Variants in GLS observed in about 807,000 individuals in gnomAD.
The protein encoded by GLS is glutaminase kidney isoform, mitochondrial.
Under a neutral mutation model 86.7 loss-of-function variants are expected in GLS, and 36 were observed. The observed-to-expected ratio is 0.42, with a 90% CI of 0.32 to 0.55. GLS has a LOEUF of 0.55. Ranked by LOEUF, GLS falls within the 20% of genes least tolerant of loss-of-function variation. GLS has a pLI of 0.17. For synonymous variants in GLS, 317 were observed against 305.9 expected (o/e 1.04, Z -0.38); for missense variants, 528 against 833.4 (o/e 0.63, Z 4.51).
chr2:190,924,007 T>A lies in GLS; in HGVS notation c.1197+24T>A. 9.0e-7 allele frequency: 1 copy of A among 1,109,594 alleles called. No homozygotes were observed. Among genetic ancestry groups the A allele is most frequent in the Non-Finnish European group, 1.4e-6 (1 of 739,854 alleles). 68.7% of individuals were successfully genotyped at this position (1,109,594 alleles called of 1,614,324 possible). Reference sequence around the variant, plus strand: ...AGGTTTTTAAATTTTTGTTTCTATTTCAAATTATTCTTTCATTTAATAAAA... The same window carrying A: ...AGGTTTTTAAATTTTTGTTTCTATTACAAATTATTCTTTCATTTAATAAAA... On this transcript the variant is annotated intron_variant, in intron 10 of 17. Coordinates refer to ENST00000320717, the MANE Select transcript of GLS (RefSeq NM_014905.5). The surrounding 1 kb of genome is among the most constrained non-coding windows in gnomAD (Gnocchi z 5.2).
At position 190,897,980 on chromosome 2, in the gene GLS, T is replaced by C. The variant is rs968682420; in HGVS notation, c.605+2255T>C. Among the ~76,000 whole-genome samples the C allele has an allele frequency of 1.3e-5, 2 of 152,224 alleles. No individual in the cohort carries two copies. The highest frequency in any genetic ancestry group is 2.9e-5 in the Non-Finnish European group (2 of 68,032). On this transcript the variant is annotated intron_variant, in intron 3 of 17. Transcript: ENST00000320717. The surrounding 1 kb of genome is among the most constrained non-coding windows in gnomAD (Gnocchi z 4.3). ...CTGTTCGAAAGTTGGAGACTGCCTG[T>C]ACCCAGGTTGATAGTCAATTGTTTT...
In GLS at chr2:190,953,305, C is replaced by T. The variant is rs767098611; in HGVS notation, c.1651-260C>T. 3.9e-5 allele frequency among the ~76,000 whole-genome samples: 6 copies of T among 152,204 alleles called. No individual in the cohort carries two copies. The highest frequency in any genetic ancestry group is 1.4e-4 in the African/African-American group (6 of 41,438). On this transcript the variant is annotated intron_variant, in intron 14 of 17. Coordinates refer to ENST00000320717, the MANE Select transcript of GLS (RefSeq NM_014905.5). This position sits in a 1 kb window ranked among gnomAD's most constrained non-coding sequence, Gnocchi z 4.0. ...TATGAGTTTCACAAAATTCCATTCTCTTCTGCCAAGTGATATTATTCCATT... is the reference window on the plus strand; with the variant it reads ...TATGAGTTTCACAAAATTCCATTCTTTTCTGCCAAGTGATATTATTCCATT...
intron 5 of GLS, among the ~76,000 whole-genome samples, chr2:190,903,633 T>C (rs1689028512): frequency 6.6e-6 from 1 of 152,174 alleles, no homozygotes; most frequent in South Asian, 2.1e-4. Flanking sequence ...TCTTAAACAT[T>C]CTCTATGTCT....
intron 7 of GLS, among the ~76,000 whole-genome samples, chr2:190,916,359 TAATGATAAAGATA>T (rs1689534248): frequency 6.6e-6 from 1 of 152,186 alleles, no homozygotes. Flanking sequence ...CACTACTCCA[TAATGATAAAGATA>T]ATGGATTTTT....
intron 6 of GLS, among the ~76,000 whole-genome samples, chr2:190,908,950 A>T (rs1281439052): frequency 6.6e-6 from 1 of 152,236 alleles, no homozygotes; most frequent in Non-Finnish European, 1.5e-5. Context: ...GAGTACATAG[A>T]TTAGCAGTCT....
intron 1 of GLS, among the ~76,000 whole-genome samples, chr2:190,888,879 C>CA (rs1176754749): frequency 6.6e-6 from 1 of 152,086 alleles, no homozygotes. Context: ...TTAGCTTTTT[C>CA]AAAAAATTGT....
intron 12 of GLS, among the ~76,000 whole-genome samples, chr2:190,929,129 A>G (rs1574603817): frequency 6.6e-6 from 1 of 151,520 alleles, no homozygotes; most frequent in Non-Finnish European, 1.5e-5. Context: ...GAATGTTAGT[A>G]AGCAATTAAT....
chr2:190,915,280 G>A (rs1558978890), intron 7 of GLS, among the ~76,000 whole-genome samples: 1 of 151,622 alleles, frequency 6.6e-6, no homozygotes, highest in East Asian at 1.9e-4. Context: ...GATTACAGAC[G>A]TGAGCCACCG....
intron 17 of GLS, among the ~76,000 whole-genome samples, chr2:190,961,206 C>T (rs189449774): frequency 4.6e-5 from 7 of 152,198 alleles, no homozygotes; most frequent in Admixed American, 2.6e-4. Flanking sequence ...GCACAGAATT[C>T]GTGAATTCTT....
chr2:190,927,788 C>G (rs989129271), intron 12 of GLS: 3 of 177,352 alleles, frequency 1.7e-5, no homozygotes, highest in African/African-American at 7.1e-5. Flanking sequence ...GATTATGTAT[C>G]TTAAGAATTC....
In GLS at chr2:190,947,201, A is replaced by G. The variant is rs1026060641; in HGVS notation, c.1651-6364A>G. On this transcript the variant is annotated intron_variant, in intron 14 of 17. Coordinates refer to ENST00000320717, the MANE Select transcript of GLS (RefSeq NM_014905.5). This position sits in a 1 kb window ranked among gnomAD's most constrained non-coding sequence, Gnocchi z 5.0. ...AAACAAGCTCAAACTGAGTAGGATA[A>G]TGATAGGATTAAAGACTTAGGAATG... Among the ~76,000 whole-genome samples, 7 of 152,214 alleles carry G rather than the reference A, an allele frequency of 4.6e-5. No homozygotes were observed. The highest frequency in any genetic ancestry group is 7.3e-5 in the Non-Finnish European group (5 of 68,042).
chr2:190,907,521 G>T (rs571062830), intron 6 of GLS, among the ~76,000 whole-genome samples: 7 of 152,288 alleles, frequency 4.6e-5, no homozygotes, highest in South Asian at 4.1e-4. Context: ...CTCCCAAAGT[G>T]CTGGGATTAC....
At chr2:190,944,859 C>T (rs1315863482) in intron 14 of GLS, among the ~76,000 whole-genome samples, 1 of 152,132 alleles carries the variant, frequency 6.6e-6, no homozygotes, top group African/African-American at 2.4e-5. Context: ...GTGATATTAT[C>T]AAATTGAATT....
chr2:190,940,155 CTTTA>C (rs919785273), intron 14 of GLS, among the ~76,000 whole-genome samples: 3 of 151,820 alleles, frequency 2.0e-5, no homozygotes, highest in Admixed American at 6.6e-5. Flanking sequence ...ATAGCTTATT[CTTTA>C]TTTATTATTT....
At position 190,921,134 on chromosome 2, in the gene GLS, T is replaced by C. The variant is rs756145569; in HGVS notation, c.1072-11T>C. The C allele has an allele frequency of 5.6e-6, 9 of 1,602,644 alleles. No individual in the cohort carries two copies. The highest frequency in any genetic ancestry group is 1.1e-5 in the South Asian group (1 of 90,800). On this transcript the variant is annotated splice_polypyrimidine_tract_variant and intron_variant, in intron 8 of 17. Transcript: ENST00000320717. The surrounding 1 kb of genome is among the most constrained non-coding windows in gnomAD (Gnocchi z 4.2). ...TTTTGATTACTAATATTCCCTACTT[T>C]TGGTTTCTAGGTCATGCAGTTTTTG...
intron 7 of GLS, among the ~76,000 whole-genome samples, chr2:190,919,116 A>G (rs1689648586): frequency 6.6e-6 from 1 of 152,106 alleles, no homozygotes. Context: ...ACAAACCTTC[A>G]ATTTCTTAAA....
In GLS at chr2:190,964,823, C is replaced by T. The variant is rs139926849; in HGVS notation, c.*1837C>T. The T allele has an allele frequency of 6.6e-4, 101 of 152,252 alleles. No homozygotes were observed. Among genetic ancestry groups the T allele is most frequent in the African/African-American group, 2.1e-3 (88 of 41,540 alleles). The allele number at this position is 152,252 out of a possible 1,614,324, so 9.4% of individuals were successfully genotyped here. On this transcript the variant is annotated 3_prime_UTR_variant, in exon 18 of 18. Coordinates refer to ENST00000320717, the MANE Select transcript of GLS (RefSeq NM_014905.5). This position sits in a 1 kb window ranked among gnomAD's most constrained non-coding sequence, Gnocchi z 5.2. ...AGATAACTTTATTCAAAGAGCAGCC[C>T]GCTTTGTGTGACTAAAATGAAACAA...
chr2:190,919,259 G>T (rs1000171262), intron 7 of GLS, among the ~76,000 whole-genome samples: 3 of 152,130 alleles, frequency 2.0e-5, no homozygotes, highest in Non-Finnish European at 4.4e-5. Context: ...TATAATGCTA[G>T]ACATTGGTAA....
intron 14 of GLS, chr2:190,934,962 C>T: frequency 1.0e-6 from 1 of 968,006 alleles, no homozygotes; most frequent in East Asian, 1.1e-4. Flanking sequence ...GTATTCTTAA[C>T]ACCTTTTTAA....
Sources: allele counts gnomAD v4.1 joint callset (sites outside exome capture counted in the v4.1 genomes callset), GRCh38; gene constraint gnomAD v4.1.1; non-coding constraint Gnocchi (gnomAD v3.1); transcripts MANE v1.5; gene names NCBI Gene and HGNC (gene_info 2026-07-23, HGNC 2026-07-21).